Variants in EFHC2 observed in about 807,000 individuals in gnomAD.
EFHC2 encodes EF-hand domain-containing family member C2.
In EFHC2, 18 loss-of-function variants were observed where a neutral mutation model predicts 52.7. That is an observed-to-expected ratio of 0.34 (90% CI 0.24 to 0.51). The LOEUF (loss-of-function observed/expected upper bound fraction) is 0.51, where lower values mean the gene tolerates loss of function less well. Among genes scored for constraint, EFHC2 ranks in the 20% least tolerant of loss-of-function variants. EFHC2 has a pLI of 0.97. For missense variants in EFHC2, 513 were observed against 562.5 expected, an observed-to-expected ratio of 0.91 and a Z score of 0.89; for synonymous variants, 203 against 204.1, an observed-to-expected ratio of 0.99 and a Z score of 0.04.
At chrX:44,274,856 C>T (rs2037643810) in intron 2 of EFHC2, among the ~76,000 whole-genome samples, 1 of 111,258 alleles carries the variant, frequency 9.0e-6, no homozygotes, top group Non-Finnish European at 1.9e-5. Flanking sequence ...CTCGCCACTG[C>T]ACTCCAGCCT....
intron 1 of EFHC2, among the ~76,000 whole-genome samples, chrX:44,326,346 AT>A (rs1392853024): frequency 9.0e-6 from 1 of 111,289 alleles, no homozygotes; most frequent in African/African-American, 3.3e-5. Flanking sequence ...ATGTTTAACT[AT>A]AATTTATTAT....
In EFHC2 at chrX:44,148,804, C is replaced by G. The variant is rs370246792; in HGVS notation, c.2241G>C (p.Glu747Asp). ...ACCAAAACTGGCATGGTTATTCCTCCTCTAAGCCAAACGCGTCCTTCAAAA... is the reference window on the plus strand; with the variant it reads ...ACCAAAACTGGCATGGTTATTCCTCGTCTAAGCCAAACGCGTCCTTCAAAA... ...WTFLKDAFGL[E>D]EE The change falls in exon 15 of 15, where the codon GAG becomes GAC. Residue 747 changes from glutamate (E) to aspartate (D), a missense_variant. By Grantham distance (45) the Glu-to-Asp change is conservative (BLOSUM62 2). Coordinates refer to ENST00000420999, the MANE Select transcript of EFHC2 (RefSeq NM_025184.4). 6 of 1,177,871 alleles carry G rather than the reference C, an allele frequency of 5.1e-6. No homozygotes were observed. The African/African-American group carries it at 1.1e-4, about 21-fold the overall frequency.
intron 4 of EFHC2, among the ~76,000 whole-genome samples, chrX:44,257,285 G>T (rs1379540217): frequency 1.8e-5 from 2 of 111,756 alleles, no homozygotes; most frequent in Non-Finnish European, 3.8e-5. Context: ...CATAGTATTG[G>T]AAGTTCTGGC....
At chrX:44,283,484 T>TCGGAAGCACTTTGACTCCC (rs1242507598) in intron 2 of EFHC2, among the ~76,000 whole-genome samples, 4 of 109,997 alleles carry the variant, frequency 3.6e-5, no homozygotes, top group South Asian at 7.7e-4. Context: ...GCACGGCCGA[T>TCGGAAGCACTTTGACTCCC]CGGAAGCACT....
At chrX:44,303,704 T>C (rs1390828020) in intron 2 of EFHC2, among the ~76,000 whole-genome samples, 1 of 111,124 alleles carries the variant, frequency 9.0e-6, no homozygotes, top group African/African-American at 3.3e-5. Flanking sequence ...TTTATATTGT[T>C]CAAATCATAG....
intron 4 of EFHC2, among the ~76,000 whole-genome samples, chrX:44,259,481 G>A (rs1207881426): frequency 9.0e-6 from 1 of 111,588 alleles, no homozygotes; most frequent in East Asian, 2.8e-4. Flanking sequence ...AACCACCATG[G>A]CAGGTGTATA....
intron 7 of EFHC2, among the ~76,000 whole-genome samples, chrX:44,243,499 TTTTTGTTTTG>T (rs760645180): frequency 3.6e-5 from 4 of 111,876 alleles, no homozygotes; most frequent in Non-Finnish European, 7.5e-5. Flanking sequence ...GGTTGTTTGG[TTTTTGTTTTG>T]TTTTGTTTTG....
chrX:44,305,748 G>A (rs1472787925), intron 2 of EFHC2, among the ~76,000 whole-genome samples: 1 of 112,054 alleles, frequency 8.9e-6, no homozygotes, highest in Non-Finnish European at 1.9e-5. Flanking sequence ...GGCAGCCTGG[G>A]CCTTAAACAG....
At chrX:44,267,979 G>A (rs1050778526) in intron 3 of EFHC2, among the ~76,000 whole-genome samples, 1 of 112,125 alleles carries the variant, frequency 8.9e-6, no homozygotes, top group Non-Finnish European at 1.9e-5. Context: ...CTTGGTGACA[G>A]AGTGGTTATT....
intron 10 of EFHC2, among the ~76,000 whole-genome samples, chrX:44,230,819 T>C (rs1341878592): frequency 2.7e-5 from 3 of 111,684 alleles, no homozygotes; most frequent in African/African-American, 6.5e-5. Context: ...ATAGCAACAC[T>C]GATTGAGCTT....
chrX:44,214,056 A>G (rs760628843), intron 11 of EFHC2, among the ~76,000 whole-genome samples: 24 of 112,296 alleles, frequency 2.1e-4, no homozygotes, highest in Non-Finnish European at 4.3e-4. Flanking sequence ...AAGACTGACA[A>G]AAAAAATGGA....
chrX:44,323,812 T>C (rs1246423665), intron 1 of EFHC2, among the ~76,000 whole-genome samples: 2 of 111,377 alleles, frequency 1.8e-5, no homozygotes, highest in Non-Finnish European at 3.8e-5. Context: ...AAAAGAGGTA[T>C]GCCTGAAACT....
At chrX:44,157,048 T>C (rs1467587223) in intron 14 of EFHC2, among the ~76,000 whole-genome samples, 6 of 112,446 alleles carry the variant, frequency 5.3e-5, no homozygotes, top group Non-Finnish European at 1.1e-4. Context: ...CTACAGGCCA[T>C]AGCCGACAGT....
intron 14 of EFHC2, among the ~76,000 whole-genome samples, chrX:44,159,007 C>T (rs561076373): frequency 2.7e-5 from 3 of 112,581 alleles, no homozygotes; most frequent in South Asian, 3.6e-4. Context: ...AAAGTCATAT[C>T]TCTTCTTGAA....
At chrX:44,266,632 G>A (rs2037580263) in intron 3 of EFHC2, among the ~76,000 whole-genome samples, 1 of 111,151 alleles carries the variant, frequency 9.0e-6, no homozygotes, top group Non-Finnish European at 1.9e-5. Context: ...ACCATGCCCA[G>A]CCAAATTCTT....
At chrX:44,261,024 A>T in intron 4 of EFHC2, 51 bp downstream of exon 4, 1 of 1,094,998 alleles carries the variant, frequency 9.1e-7, no homozygotes, top group Non-Finnish European at 1.3e-6. Context: ...CTGACTTTCC[A>T]AAGGGATTTT....
intron 4 of EFHC2, among the ~76,000 whole-genome samples, chrX:44,259,815 C>T (rs1315314586): frequency 9.0e-6 from 1 of 111,362 alleles, no homozygotes; most frequent in Non-Finnish European, 1.9e-5. Context: ...AAAAAAAATC[C>T]CTTTGTACAT....
At chrX:44,297,369 G>C (rs1225508263) in intron 2 of EFHC2, among the ~76,000 whole-genome samples, 1 of 110,264 alleles carries the variant, frequency 9.1e-6, no homozygotes, top group Non-Finnish European at 1.9e-5. Flanking sequence ...CATTTGGAGA[G>C]ACATATATAC....
intron 11 of EFHC2, among the ~76,000 whole-genome samples, chrX:44,192,589 C>A (rs1262721911): frequency 9.0e-6 from 1 of 111,208 alleles, no homozygotes; most frequent in African/African-American, 3.3e-5. Context: ...TTTAAACGAT[C>A]TTTGATTATC....
Sources: allele counts gnomAD v4.1 joint callset (sites outside exome capture counted in the v4.1 genomes callset), GRCh38; gene constraint gnomAD v4.1.1; transcripts MANE v1.5; gene names NCBI Gene and HGNC (gene_info 2026-07-23, HGNC 2026-07-21).